Variants in MAP3K3 observed in about 807,000 individuals in gnomAD.
MAP3K3 encodes the protein MAP/ERK kinase kinase 3.
Under a neutral mutation model 80.9 loss-of-function variants are expected in MAP3K3, and 12 were observed. That is an observed-to-expected ratio of 0.15 (90% CI 0.10 to 0.24). The LOEUF (loss-of-function observed/expected upper bound fraction) is 0.24, where lower values mean the gene tolerates loss of function less well. MAP3K3 is among the 10% of genes least tolerant of loss of function. The pLI is 1.00. For synonymous variants in MAP3K3, 272 were observed against 307.1 expected, an observed-to-expected ratio of 0.89 and a Z score of 1.19; for missense variants, 596 against 834.7, an observed-to-expected ratio of 0.71 and a Z score of 3.52.
intron 2 of MAP3K3, among the ~76,000 whole-genome samples, chr17:63,644,143 C>T (rs890363575): frequency 1.3e-5 from 2 of 152,034 alleles, no homozygotes; most frequent in Admixed American, 1.3e-4. Context: ...GCTCAATAAA[C>T]GTTAGCTATT....
chr17:63,657,834 C>T lies in MAP3K3; in HGVS notation c.308C>T (p.Ala103Val), dbSNP rs747742093. Residue 103 changes from alanine (A) to valine (V), a missense_variant, in exon 5 of 16, where the codon GCA becomes GTA. Transcript: ENST00000361733. ...AAAAACCAAGATGATCTTGATAAAG[C>T]AATTGACATTTTAGATAGAAGCTCA... ...LLKNQDDLDK[A>V]IDILDRSSSM... 3.7e-6 allele frequency: 6 copies of T among 1,607,598 alleles called. No individual in the cohort carries two copies.
chr17:63,662,467 C>T (rs1330797259), intron 5 of MAP3K3, among the ~76,000 whole-genome samples: 1 of 151,788 alleles, frequency 6.6e-6, no homozygotes, highest in Non-Finnish European at 1.5e-5. Flanking sequence ...TTTTATCTTT[C>T]ACTTGATTTT....
intron 6 of MAP3K3, among the ~76,000 whole-genome samples, chr17:63,668,698 T>A (rs1485006969): frequency 1.3e-5 from 2 of 152,196 alleles, no homozygotes; most frequent in African/African-American, 4.8e-5. Context: ...GAGCTATATA[T>A]GGAAATGATT....
chr17:63,691,839 T>C lies in MAP3K3; in HGVS notation c.1451T>C (p.Met484Thr), dbSNP rs755952221. ...GGCATGTCCTACCTGCACAGCAACATGATTGTTCACCGGGACATTAAGGGT... is the reference window on the plus strand; with the variant it reads ...GGCATGTCCTACCTGCACAGCAACACGATTGTTCACCGGGACATTAAGGGT... The part of the protein sequence containing the change: ...LEGMSYLHSN[M>T]IVHRDIKGAN... Residue 484 changes from methionine (M) to threonine (T), a missense_variant, in exon 14 of 16, where the codon ATG (methionine) becomes ACG (threonine). Around this residue, in one of 2 missense-constraint regions of MAP3K3, gnomAD observed 364 missense variants for 588.9 expected, o/e 0.62. Transcript: ENST00000361733. This position sits in a 1 kb window ranked among gnomAD's most constrained non-coding sequence, Gnocchi z 4.8. The C allele has an allele frequency of 6.2e-7, 1 of 1,614,098 alleles. No individual in the cohort carries two copies. The highest frequency in any genetic ancestry group is 8.5e-7 in the Non-Finnish European group (1 of 1,179,996).
Position 63,695,285 on chromosome 17 carries a change from G to C in MAP3K3, c.*1508G>C, listed in dbSNP as rs1568159885. 1 of 152,654 alleles carries C rather than the reference G, an allele frequency of 6.6e-6. No individual in the cohort carries two copies. Among genetic ancestry groups the C allele is most frequent in the African/African-American group, 2.4e-5 (1 of 41,448 alleles). 9.5% of individuals were successfully genotyped at this position (152,654 alleles called of 1,614,324 possible). On this transcript the variant is annotated 3_prime_UTR_variant, in exon 16 of 16. Coordinates refer to ENST00000361733, the MANE Select transcript of MAP3K3 (RefSeq NM_002401.5). The surrounding 1 kb of genome is among the most constrained non-coding windows in gnomAD (Gnocchi z 4.1). ...TTTTAGCCTTTTCACATCATGTAAT[G>C]TGAGGCCTTGTACTTGTTAATTTAT... is the stretch of plus-strand genomic sequence containing the variant.
At chr17:63,626,141 A>G (rs2034097379) in intron 1 of MAP3K3, among the ~76,000 whole-genome samples, 1 of 152,174 alleles carries the variant, frequency 6.6e-6, no homozygotes, top group Admixed American at 6.5e-5. Context: ...TATCTGTCCA[A>G]CTGAGCATTA....
rs1598076041 is a variant in MAP3K3, at chr17:63,645,973, C to T, written c.127-61C>T. ...AACGAACTGCCCAAGGCTTACTTGG[C>T]AATGGCAGGAGTGACACATTCCAGA... is the stretch of plus-strand genomic sequence containing the variant. On this transcript the variant is annotated intron_variant, in intron 2 of 15. Coordinates refer to ENST00000361733, the MANE Select transcript of MAP3K3 (RefSeq NM_002401.5). The T allele has an allele frequency of 7.3e-6, 10 of 1,373,736 alleles. No homozygotes were observed. In the East Asian group the frequency reaches 2.1e-4, roughly 28 times the overall value. The allele number at this position is 1,373,736 out of a possible 1,614,324, so 85.1% of individuals were successfully genotyped here.
chr17:63,623,021 CG>C (rs1039025245), intron 1 of MAP3K3, among the ~76,000 whole-genome samples: 2 of 150,534 alleles, frequency 1.3e-5, no homozygotes, highest in Non-Finnish European at 3.0e-5. Flanking sequence ...GGGCGCATCC[CG>C]GGGAAGCGGC....
chr17:63,674,907 G>A (rs1568145788), intron 6 of MAP3K3, among the ~76,000 whole-genome samples: 1 of 152,166 alleles, frequency 6.6e-6, no homozygotes, highest in African/African-American at 2.4e-5. Flanking sequence ...AGATTATAGC[G>A]ACAACTGGGC....
chr17:63,664,571 A>C (rs2034963208), intron 5 of MAP3K3, among the ~76,000 whole-genome samples: 1 of 152,096 alleles, frequency 6.6e-6, no homozygotes, highest in African/African-American at 2.4e-5. Flanking sequence ...TTATTTTTCT[A>C]CTGATCTCCT....
chr17:63,647,439 C>T (rs766297432), intron 3 of MAP3K3, among the ~76,000 whole-genome samples: 7 of 152,136 alleles, frequency 4.6e-5, no homozygotes, highest in African/African-American at 7.2e-5. Flanking sequence ...AGCCCAATTA[C>T]GCAGTTAGGC....
intron 3 of MAP3K3, among the ~76,000 whole-genome samples, chr17:63,648,888 A>G (rs947956190): frequency 3.3e-5 from 5 of 152,188 alleles, no homozygotes; most frequent in African/African-American, 1.2e-4. Context: ...TTAGCAGTAT[A>G]ATTTCCAAAA....
chr17:63,678,123 G>A (rs1490705865), intron 6 of MAP3K3, among the ~76,000 whole-genome samples: 2 of 152,036 alleles, frequency 1.3e-5, no homozygotes, highest in East Asian at 1.9e-4. Flanking sequence ...TTCTCGCTTC[G>A]GCCCCACCAT....
At chr17:63,648,502 G>T (rs2034583896) in intron 3 of MAP3K3, among the ~76,000 whole-genome samples, 1 of 152,132 alleles carries the variant, frequency 6.6e-6, no homozygotes. Flanking sequence ...CACTGCTTGG[G>T]ACAGTTGATT....
intron 4 of MAP3K3, among the ~76,000 whole-genome samples, chr17:63,657,592 G>T (rs1373694851): frequency 1.3e-5 from 2 of 152,032 alleles, no homozygotes; most frequent in South Asian, 4.1e-4. Flanking sequence ...CTATGTAAAG[G>T]TACTACAAAT....
chr17:63,638,578 A>C (rs2034378865), intron 2 of MAP3K3, among the ~76,000 whole-genome samples: 1 of 152,150 alleles, frequency 6.6e-6, no homozygotes, highest in African/African-American at 2.4e-5. Context: ...GACAGCCCGC[A>C]CTGTCTCTCT....
chr17:63,648,687 C>T lies in MAP3K3; in HGVS notation c.167+2613C>T, dbSNP rs1317446672. 2.6e-5 allele frequency among the ~76,000 whole-genome samples: 4 copies of T among 152,044 alleles called. No individual in the cohort carries two copies. In the South Asian group the frequency reaches 8.3e-4, roughly 32 times the overall value. ...AAAATTAGCCGGGCGTGGTGGCCGG[C>T]GTCTGTAGTCCCAGCTACTCGGGAG... On this transcript the variant is annotated intron_variant, in intron 3 of 15. Transcript: ENST00000361733.
intron 6 of MAP3K3, chr17:63,668,039 TCAAA>T (rs2035033934): frequency 6.6e-6 from 1 of 152,220 alleles, no homozygotes; most frequent in African/African-American, 2.4e-5. Flanking sequence ...GGAACTTGTA[TCAAA>T]AGGGAAATCT....
At chr17:63,662,283 T>C (rs899717090) in intron 5 of MAP3K3, among the ~76,000 whole-genome samples, 1 of 141,296 alleles carries the variant, frequency 7.1e-6, no homozygotes, top group Admixed American at 7.3e-5. Flanking sequence ...CCAGGTGTGG[T>C]GCGTGCCTGT....
Sources: gnomAD v4.1 joint callset for allele counts (sites outside exome capture counted in the v4.1 genomes callset) on GRCh38, gnomAD v4.1.1 for gene constraint, gnomAD v4.1.1 regional missense constraint, Gnocchi (gnomAD v3.1) non-coding constraint, MANE v1.5 for transcripts, NCBI Gene and HGNC (gene_info 2026-07-23, HGNC 2026-07-21) for gene names.